SEMA5A: variants seen among roughly 807,000 people sequenced by gnomAD.
The protein encoded by SEMA5A is semaphorin-5A.
SEMA5A carries 55 observed loss-of-function variants against 135.5 expected under a neutral mutation model. That is an observed-to-expected ratio of 0.41 (90% CI 0.33 to 0.51). The LOEUF (loss-of-function observed/expected upper bound fraction) is 0.51. SEMA5A is among the 20% of genes least tolerant of loss of function. The pLI is 0.37. For missense variants in SEMA5A, 1,290 were observed against 1,419.9 expected, an observed-to-expected ratio of 0.91 and a Z score of 1.47; for synonymous variants, 580 against 546.5, an observed-to-expected ratio of 1.06 and a Z score of -0.85.
intron 11 of SEMA5A, among the ~76,000 whole-genome samples, chr5:9,159,060 C>T (rs1483352165): frequency 6.6e-6 from 1 of 152,102 alleles, no homozygotes; most frequent in Non-Finnish European, 1.5e-5. Flanking sequence ...TTTATATTTG[C>T]TATATATGGC....
intron 4 of SEMA5A, among the ~76,000 whole-genome samples, chr5:9,326,410 C>T (rs938843623): frequency 2.8e-4 from 43 of 152,134 alleles, no homozygotes; most frequent in African/African-American, 1.0e-3. Context: ...GCCACCATGC[C>T]CAGCTAATTT....
At chr5:9,234,235 G>A (rs1022673950) in intron 6 of SEMA5A, among the ~76,000 whole-genome samples, 1 of 152,134 alleles carries the variant, frequency 6.6e-6, no homozygotes, top group Admixed American at 6.5e-5. Context: ...AGTTCAGGGG[G>A]CAGTCCTTCG....
At chr5:9,059,861 A>G (rs1488681131) in intron 18 of SEMA5A, among the ~76,000 whole-genome samples, 1 of 152,156 alleles carries the variant, frequency 6.6e-6, no homozygotes. Context: ...ATTTATTTTC[A>G]TATTTAATTT....
intron 16 of SEMA5A, among the ~76,000 whole-genome samples, chr5:9,100,459 A>C (rs1739564722): frequency 6.6e-6 from 1 of 152,112 alleles, no homozygotes; most frequent in African/African-American, 2.4e-5. Flanking sequence ...GCCTGGGTGC[A>C]TCCTCAACCA....
At chr5:9,273,314 A>G (rs1324116189) in intron 5 of SEMA5A, among the ~76,000 whole-genome samples, 12 of 152,188 alleles carry the variant, frequency 7.9e-5, no homozygotes, top group Admixed American at 7.9e-4. Flanking sequence ...AAATGAACAA[A>G]GCCCCCAAGA....
intron 1 of SEMA5A, among the ~76,000 whole-genome samples, chr5:9,468,630 T>C (rs1190989289): frequency 2.0e-5 from 3 of 152,252 alleles, no homozygotes; most frequent in Non-Finnish European, 4.4e-5. Context: ...TCAGGCTGTC[T>C]ATATTTCTTC....
At position 9,387,134 on chromosome 5, in the gene SEMA5A, A is replaced by G. The variant is rs146296926; in HGVS notation, c.-77-7111T>C. Among the ~76,000 whole-genome samples the G allele has an allele frequency of 2.2e-3, 331 of 152,324 alleles. 7 individuals are homozygous for G. In the East Asian group the frequency reaches 0.036, roughly 16 times the overall value. ...GCTACCTTCTGGCTGCTTATATTCTACAGCCCAAGCTCTCTGCTCAGGCTT... is the reference window on the plus strand; with the variant it reads ...GCTACCTTCTGGCTGCTTATATTCTGCAGCCCAAGCTCTCTGCTCAGGCTT... On this transcript the variant is annotated intron_variant, in intron 2 of 22. Coordinates refer to ENST00000382496, the MANE Select transcript of SEMA5A (RefSeq NM_003966.3).
chr5:9,168,238 C>T (rs1403226482), intron 11 of SEMA5A, among the ~76,000 whole-genome samples: 2 of 152,152 alleles, frequency 1.3e-5, no homozygotes, highest in African/African-American at 4.8e-5. Context: ...ATGGACCTTC[C>T]AGGTGCATCC....
At chr5:9,301,652 A>G (rs1407410620) in intron 5 of SEMA5A, among the ~76,000 whole-genome samples, 1 of 152,150 alleles carries the variant, frequency 6.6e-6, no homozygotes, top group African/African-American at 2.4e-5. Context: ...TTGGTCTTGC[A>G]GCTCTCAGGC....
intron 1 of SEMA5A, among the ~76,000 whole-genome samples, chr5:9,488,958 G>A (rs948029660): frequency 6.6e-6 from 1 of 152,104 alleles, no homozygotes; most frequent in Non-Finnish European, 1.5e-5. Context: ...TCAATGGTTG[G>A]TTGGTTTGAT....
chr5:9,322,746 G>T (rs1398987090), intron 4 of SEMA5A, among the ~76,000 whole-genome samples: 1 of 152,078 alleles, frequency 6.6e-6, no homozygotes, highest in Non-Finnish European at 1.5e-5. Flanking sequence ...AGCCCCCCGT[G>T]TCTTGGTGTC....
intron 5 of SEMA5A, among the ~76,000 whole-genome samples, chr5:9,241,160 T>G (rs1748172725): frequency 6.6e-6 from 1 of 152,116 alleles, no homozygotes; most frequent in Non-Finnish European, 1.5e-5. Context: ...CACCTACATT[T>G]TAAAAGACAC....
In SEMA5A at chr5:9,121,542, A is replaced by G. The variant is rs7709416; in HGVS notation, c.1781+1114T>C. 2.8e-3 allele frequency among the ~76,000 whole-genome samples: 421 copies of G among 152,376 alleles called. 4 individuals carry two copies. Among genetic ancestry groups the G allele is most frequent in the African/African-American group, 9.7e-3 (403 of 41,594 alleles). The stretch of plus-strand genomic sequence containing the variant: ...TCTTTTTCCATGAAACAATATGAGC[A>G]AAGAGTATTAGCTACTTGTTGTAAT... On this transcript the variant is annotated intron_variant, in intron 14 of 22. Transcript: ENST00000382496.
chr5:9,060,390 C>T (rs1412080269), intron 18 of SEMA5A, among the ~76,000 whole-genome samples: 4 of 152,166 alleles, frequency 2.6e-5, no homozygotes, highest in Non-Finnish European at 4.4e-5. Flanking sequence ...GGAATCTGCA[C>T]ATCCTACCCA....
Position 9,129,089 on chromosome 5 carries a change from T to C in SEMA5A, c.1600-6252A>G, listed in dbSNP as rs536267861. Among the ~76,000 whole-genome samples, 5 of 152,276 alleles carry C rather than the reference T, an allele frequency of 3.3e-5. 1 individual carries two copies. Among genetic ancestry groups the C allele is most frequent in the African/African-American group, 9.6e-5 (4 of 41,530 alleles). On this transcript the variant is annotated intron_variant, in intron 13 of 22. Coordinates refer to ENST00000382496, the MANE Select transcript of SEMA5A (RefSeq NM_003966.3). The stretch of plus-strand genomic sequence containing the variant: ...TTAAGCAAAGAGATGCTATAAATGT[T>C]CTCTTTCCAAATATATGAATCGGCA...
chr5:9,127,617 G>A (rs9313271), intron 13 of SEMA5A, among the ~76,000 whole-genome samples: 171 of 152,246 alleles, frequency 1.1e-3, no homozygotes, highest in African/African-American at 4.0e-3. Flanking sequence ...GTGTTTGGGG[G>A]TTTATTTGCA....
At chr5:9,052,873 T>C (rs1579307797) in intron 19 of SEMA5A, among the ~76,000 whole-genome samples, 3 of 152,230 alleles carry the variant, frequency 2.0e-5, no homozygotes. Context: ...TATTTTTCTA[T>C]GCAGTTTGCT....
intron 5 of SEMA5A, among the ~76,000 whole-genome samples, chr5:9,314,750 A>G (rs1752317925): frequency 6.6e-6 from 1 of 152,174 alleles, no homozygotes; most frequent in East Asian, 1.9e-4. Flanking sequence ...CAGACTAAGT[A>G]AACAGTAGGC....
chr5:9,142,088 G>T (rs1193261051), intron 12 of SEMA5A, among the ~76,000 whole-genome samples: 11 of 152,150 alleles, frequency 7.2e-5, no homozygotes, highest in Admixed American at 2.6e-4. Flanking sequence ...TGAGCTCCAA[G>T]AACTTCCCAT....
Sources: gnomAD v4.1 joint callset for allele counts (sites outside exome capture counted in the v4.1 genomes callset) on GRCh38, gnomAD v4.1.1 for gene constraint, MANE v1.5 for transcripts, NCBI Gene and HGNC (gene_info 2026-07-23, HGNC 2026-07-21) for gene names.